Variants in LRP1B observed in about 807,000 individuals in gnomAD.
The protein encoded by LRP1B is low-density lipoprotein receptor-related protein 1B.
Under a neutral mutation model 556.6 loss-of-function variants are expected in LRP1B, and 217 were observed. That is an observed-to-expected ratio of 0.39 (90% CI 0.35 to 0.44). The LOEUF (loss-of-function observed/expected upper bound fraction) is 0.44, where lower values mean the gene tolerates loss of function less well. Ranked by LOEUF, LRP1B falls within the 20% of genes least tolerant of loss-of-function variation. The pLI is 1.00. For synonymous variants in LRP1B, 2,047 were observed against 1,865.8 expected (o/e 1.10, Z -2.50); for missense variants, 5,053 against 5,620.8 (o/e 0.90, Z 3.23).
chr2:140,612,664 G>A (rs924612446), intron 41 of LRP1B, among the ~76,000 whole-genome samples: 6 of 152,034 alleles, frequency 3.9e-5, no homozygotes, highest in African/African-American at 1.4e-4. Context: ...GTGATTGAGC[G>A]CTTGATCCGT....
intron 3 of LRP1B, among the ~76,000 whole-genome samples, chr2:141,422,791 A>T (rs1042763043): frequency 1.3e-5 from 2 of 152,064 alleles, no homozygotes; most frequent in Admixed American, 1.3e-4. Context: ...TTTATGTCTC[A>T]GTATGCCAAG....
intron 2 of LRP1B, among the ~76,000 whole-genome samples, chr2:141,508,062 G>A (rs575925213): frequency 1.4e-5 from 2 of 147,466 alleles, no homozygotes; most frequent in African/African-American, 2.5e-5. Flanking sequence ...TTCCAGTCTG[G>A]ATGAAAGAGG....
chr2:141,690,396 A>AATATATATATATAT (rs762453747), intron 2 of LRP1B, among the ~76,000 whole-genome samples: 9 of 26,886 alleles, frequency 3.3e-4, no homozygotes, highest in African/African-American at 5.8e-4. Context: ...TACATCTATA[A>AATATATATATATAT]ATATATATAT....
At chr2:140,435,496 T>G (rs1401750061) in intron 66 of LRP1B, among the ~76,000 whole-genome samples, 1 of 152,166 alleles carries the variant, frequency 6.6e-6, no homozygotes, top group Non-Finnish European at 1.5e-5. Context: ...TCCCTTCTTT[T>G]CAAACTCAAT....
At chr2:142,004,631 G>C (rs2381201) in intron 1 of LRP1B, among the ~76,000 whole-genome samples, 3,787 of 152,032 alleles carry the variant, frequency 0.025, 157 homozygotes, top group East Asian at 0.17. Flanking sequence ...GGATCACCCG[G>C]GGTCAGGAGT....
chr2:141,614,205 T>C (rs1688216142), intron 2 of LRP1B, among the ~76,000 whole-genome samples: 1 of 151,888 alleles, frequency 6.6e-6, no homozygotes, highest in Admixed American at 6.6e-5. Context: ...ACAAATCTAC[T>C]GATTATGGAA....
At chr2:141,278,881 T>C (rs1308117157) in intron 3 of LRP1B, among the ~76,000 whole-genome samples, 1 of 152,210 alleles carries the variant, frequency 6.6e-6, no homozygotes, top group South Asian at 2.1e-4. Context: ...TGGCCAATAC[T>C]GAGATTTCTT....
chr2:140,298,844 T>C (rs1464192104), intron 83 of LRP1B, among the ~76,000 whole-genome samples: 2 of 152,090 alleles, frequency 1.3e-5, no homozygotes, highest in Non-Finnish European at 2.9e-5. Context: ...GAACTAGCTC[T>C]GTAGGAGAAG....
At chr2:141,450,427 A>T (rs1171439113) in intron 3 of LRP1B, among the ~76,000 whole-genome samples, 1 of 152,158 alleles carries the variant, frequency 6.6e-6, no homozygotes, top group East Asian at 1.9e-4. Flanking sequence ...TGGTATATGG[A>T]GTTGTGGTTA....
chr2:141,955,371 C>A (rs1047695500), intron 1 of LRP1B, among the ~76,000 whole-genome samples: 3 of 152,078 alleles, frequency 2.0e-5, no homozygotes, highest in African/African-American at 4.8e-5. Context: ...TTTTCTGCAT[C>A]TTGCTTGCTT....
rs1573690241 is a variant in LRP1B, at chr2:140,254,394, G to A, written c.13248-7232C>T. Among the ~76,000 whole-genome samples the A allele has an allele frequency of 3.3e-5, 5 of 152,260 alleles. No homozygotes were observed. The Middle Eastern group carries it at 0.01, about 311-fold the overall frequency. On this transcript the variant is annotated intron_variant, in intron 86 of 90. Coordinates refer to ENST00000389484, the MANE Select transcript of LRP1B (RefSeq NM_018557.3). ...CTTTCAGTTCCAATGCTCATGTGCT[G>A]AAATACTGATGTTAGCTACTTGAAT...
chr2:141,865,418 C>T (rs1335631048), intron 1 of LRP1B, among the ~76,000 whole-genome samples: 3 of 150,980 alleles, frequency 2.0e-5, no homozygotes, highest in African/African-American at 7.3e-5. Flanking sequence ...CGGTGAAACC[C>T]CGTCTCTACT....
chr2:141,367,471 C>CTTTTT (rs1169568111), intron 3 of LRP1B, among the ~76,000 whole-genome samples: 4 of 44,942 alleles, frequency 8.9e-5, no homozygotes, highest in Admixed American at 3.3e-4. Context: ...ATTTGAAATG[C>CTTTTT]TTTTTTTTTT....
At chr2:142,052,268 C>T (rs918758409) in intron 1 of LRP1B, among the ~76,000 whole-genome samples, 10 of 151,960 alleles carry the variant, frequency 6.6e-5, no homozygotes, top group African/African-American at 2.4e-4. Flanking sequence ...CCCCTATAAA[C>T]ATTTTCCTCA....
At chr2:140,238,552 CTT>C (rs561463023) in intron 88 of LRP1B, among the ~76,000 whole-genome samples, 259 of 150,958 alleles carry the variant, frequency 1.7e-3, no homozygotes, top group African/African-American at 6.0e-3. Flanking sequence ...ATTTACCAAT[CTT>C]TTTAAATTCT....
intron 32 of LRP1B, among the ~76,000 whole-genome samples, chr2:140,803,290 T>TTTTTTC (rs869303438): frequency 1.7e-5 from 2 of 115,262 alleles, no homozygotes; most frequent in African/African-American, 3.5e-5. Context: ...TTTTTTTTTT[T>TTTTTTC]CCGAGATGGA....
At chr2:141,933,988 GA>G (rs1269610358) in intron 1 of LRP1B, among the ~76,000 whole-genome samples, 9 of 152,192 alleles carry the variant, frequency 5.9e-5, no homozygotes, top group African/African-American at 1.9e-4. Context: ...AAAGACTTCA[GA>G]TGGTAAAATT....
At chr2:141,424,485 G>C (rs558762121) in intron 3 of LRP1B, among the ~76,000 whole-genome samples, 497 of 152,230 alleles carry the variant, frequency 3.3e-3, no homozygotes, top group Non-Finnish European at 5.6e-3. Context: ...ATTGCAATGT[G>C]ACTCATAACT....
chr2:141,902,614 T>A (rs1699652789), intron 1 of LRP1B, among the ~76,000 whole-genome samples: 1 of 152,008 alleles, frequency 6.6e-6, no homozygotes, highest in Non-Finnish European at 1.5e-5. Flanking sequence ...TACTGTCTAA[T>A]GAAGGAACAT....
Sources: gnomAD v4.1 joint callset for allele counts (sites outside exome capture counted in the v4.1 genomes callset) on GRCh38, gnomAD v4.1.1 for gene constraint, MANE v1.5 for transcripts, NCBI Gene and HGNC (gene_info 2026-07-23, HGNC 2026-07-21) for gene names.